The following ANKRD30B variants were observed in gnomAD, a reference collection of about 807,000 sequenced individuals.
ANKRD30B encodes ankyrin repeat domain-containing protein 30B.
ANKRD30B carries 144 observed loss-of-function variants against 202.2 expected under a neutral mutation model. That is an observed-to-expected ratio of 0.71 (90% CI 0.62 to 0.82). ANKRD30B has a LOEUF of 0.82. Among genes scored for constraint, ANKRD30B ranks in the 40% least tolerant of loss-of-function variants. The pLI is 0.00. For synonymous variants in ANKRD30B, 508 were observed against 561.3 expected (o/e 0.91, Z 1.34); for missense variants, 1,487 against 1,669.1 (o/e 0.89, Z 1.90).
intron 30 of ANKRD30B, among the ~76,000 whole-genome samples, chr18:14,819,804 C>A (rs1023814832): frequency 9.2e-5 from 14 of 152,088 alleles, no homozygotes; most frequent in Admixed American, 1.3e-4. Flanking sequence ...TGTGATGCCT[C>A]CAGCTTTGTT....
the ANKRD30B span, chr18:14,883,551 C>A: frequency 6.7e-6 from 1 of 149,592 alleles, no homozygotes; most frequent in African/African-American, 2.5e-5. Flanking sequence ...TATTCTCAGA[C>A]GGTCTTGGGT....
intron 22 of ANKRD30B, among the ~76,000 whole-genome samples, chr18:14,800,639 C>G (rs1460126075): frequency 1.6e-4 from 24 of 147,828 alleles, no homozygotes; most frequent in African/African-American, 5.8e-4. Flanking sequence ...TCTTTTTACA[C>G]TAGTACCATT....
intron 15 of ANKRD30B, among the ~76,000 whole-genome samples, chr18:14,790,455 C>A (rs557481302): frequency 6.6e-6 from 1 of 152,264 alleles, no homozygotes; most frequent in South Asian, 2.1e-4. Flanking sequence ...AGAGGGCATC[C>A]CTGTCTTATG....
At chr18:14,884,314 G>C in the ANKRD30B span, among the ~76,000 whole-genome samples, 2 of 151,642 alleles carry the variant, frequency 1.3e-5, no homozygotes, top group Non-Finnish European at 2.9e-5. Flanking sequence ...CCCTTTCTGA[G>C]TTGAATATTG....
At chr18:14,792,171 G>A (rs538061720) in intron 16 of ANKRD30B, among the ~76,000 whole-genome samples, 11 of 152,146 alleles carry the variant, frequency 7.2e-5, no homozygotes, top group East Asian at 3.9e-4. Flanking sequence ...TGATTCAGCC[G>A]ACTAGGGATT....
the ANKRD30B span, among the ~76,000 whole-genome samples, chr18:14,919,180 C>T: frequency 6.6e-6 from 1 of 152,222 alleles, no homozygotes; most frequent in Non-Finnish European, 1.5e-5. Flanking sequence ...GGGATTAGGG[C>T]AAGGACTTGC....
At chr18:14,829,768 C>A (rs1970822011) in intron 33 of ANKRD30B, among the ~76,000 whole-genome samples, 1 of 152,054 alleles carries the variant, frequency 6.6e-6, no homozygotes, top group Non-Finnish European at 1.5e-5. Context: ...AAAAAAAGAC[C>A]AACTCAGAAA....
chr18:14,873,024 T>C, the ANKRD30B span, among the ~76,000 whole-genome samples: 130 of 152,002 alleles, frequency 8.6e-4, 1 homozygote, highest in African/African-American at 2.9e-3. Context: ...CACCAGAATA[T>C]ATAATTGAAA....
the ANKRD30B span, among the ~76,000 whole-genome samples, chr18:14,881,354 T>C: frequency 1.3e-5 from 2 of 152,190 alleles, no homozygotes; most frequent in Admixed American, 1.3e-4. Context: ...GTGTGAGTTT[T>C]TTTAATTCTG....
chr18:14,799,639 T>A (rs1185445510), intron 22 of ANKRD30B, among the ~76,000 whole-genome samples: 1 of 152,158 alleles, frequency 6.6e-6, no homozygotes, highest in Non-Finnish European at 1.5e-5. Flanking sequence ...GGAATTCTGA[T>A]CTTTACTTTG....
chr18:14,753,012 G>A lies in ANKRD30B; in HGVS notation c.510G>A (p.Lys170=), dbSNP rs1172765383. The change falls in exon 3 of 44, where the codon AAG becomes AAA. Residue 170 remains lysine, a splice_region_variant and synonymous_variant. Coordinates refer to ENST00000690538, the MANE Select transcript of ANKRD30B (RefSeq NM_001367607.2). ...SYGAVIEVQN[K]ASLTPLLLAI... ...GTGCAGTCATCGAGGTGCAAAACAA[G>A]GTAGACATTAACCAATGTTATTTTC... The A allele has an allele frequency of 5.7e-6, 9 of 1,581,164 alleles. No individual in the cohort carries two copies. Among genetic ancestry groups the A allele is most frequent in the Non-Finnish European group, 7.7e-6 (9 of 1,163,144 alleles).
chr18:14,915,582 C>T, the ANKRD30B span: 1 of 152,150 alleles, frequency 6.6e-6, no homozygotes, highest in Non-Finnish European at 1.5e-5. Flanking sequence ...AGGTCATTCT[C>T]CAAGGAGCAG....
intron 34 of ANKRD30B, among the ~76,000 whole-genome samples, chr18:14,836,808 G>T (rs1971194497): frequency 6.6e-6 from 1 of 151,728 alleles, no homozygotes; most frequent in African/African-American, 2.4e-5. Context: ...ACATGCTATT[G>T]CACCTAGAGT....
chr18:14,798,104 CT>C (rs1270248133), intron 20 of ANKRD30B, among the ~76,000 whole-genome samples: 1 of 152,160 alleles, frequency 6.6e-6, no homozygotes, highest in Non-Finnish European at 1.5e-5. Flanking sequence ...GGGGCCTTGT[CT>C]TTGTTCCCAG....
At chr18:14,775,114 G>A (rs1967275712) in intron 9 of ANKRD30B, among the ~76,000 whole-genome samples, 3 of 152,270 alleles carry the variant, frequency 2.0e-5, no homozygotes, top group South Asian at 2.1e-4. Context: ...GTGACAGAGC[G>A]AGACTCCATC....
chr18:14,912,036 T>C, the ANKRD30B span, among the ~76,000 whole-genome samples: 1 of 152,120 alleles, frequency 6.6e-6, no homozygotes, highest in African/African-American at 2.4e-5. Context: ...TCCTTTAGAG[T>C]TTTCTACATA....
the ANKRD30B span, among the ~76,000 whole-genome samples, chr18:14,907,977 G>A: frequency 6.6e-6 from 1 of 152,136 alleles, no homozygotes; most frequent in Non-Finnish European, 1.5e-5. Context: ...AAAAAAGGCA[G>A]ACAAATTTTA....
intron 16 of ANKRD30B, among the ~76,000 whole-genome samples, chr18:14,794,641 A>G (rs1968750874): frequency 6.6e-6 from 1 of 152,216 alleles, no homozygotes. Flanking sequence ...ATCGTAATTA[A>G]AGCGGGTTTT....
chr18:14,783,529 T>G (rs1967884673), intron 12 of ANKRD30B, among the ~76,000 whole-genome samples: 1 of 152,114 alleles, frequency 6.6e-6, no homozygotes. Context: ...AAATTTATTA[T>G]AGACTAATGA....
Sources: gnomAD v4.1 joint callset for allele counts (sites outside exome capture counted in the v4.1 genomes callset) on GRCh38, gnomAD v4.1.1 for gene constraint, MANE v1.5 for transcripts, NCBI Gene and HGNC (gene_info 2026-07-23, HGNC 2026-07-21) for gene names.